The following PIGF variants were observed in gnomAD, a reference collection of about 807,000 sequenced individuals.
The protein encoded by PIGF is phosphatidylinositol glycan anchor biosynthesis class F.
A neutral mutation model predicts 26.0 loss-of-function variants in PIGF; 23 were observed. The ratio of observed to expected loss-of-function variants is 0.88; its 90% CI spans 0.64 to 1.25. The LOEUF (loss-of-function observed/expected upper bound fraction) is 1.25. PIGF is among the 50% of genes most tolerant of loss of function. The probability of loss-of-function intolerance (pLI) is 0.00; values close to 1 mark genes in which losing one functional copy is unlikely to be tolerated. For missense variants in PIGF, 278 were observed against 249.9 expected (o/e 1.11, Z -0.76); for synonymous variants, 93 against 92.6 (o/e 1.00, Z -0.03).
Position 46,581,254 on chromosome 2 carries a change from A to G in PIGF, c.*224T>C, listed in dbSNP as rs1669358139. The G allele has an allele frequency of 1.0e-6, 1 of 962,060 alleles. No individual in the cohort carries two copies. The highest frequency in any genetic ancestry group is 1.7e-5 in the African/African-American group (1 of 60,542). 59.6% of individuals were successfully genotyped at this position (962,060 alleles called of 1,614,324 possible). On this transcript the variant is annotated 3_prime_UTR_variant, in exon 6 of 6. Coordinates refer to ENST00000281382, the MANE Select transcript of PIGF (RefSeq NM_002643.4). ...TATTAAGAATGTTCCTTAAAGGTTT[A>G]AGAAGCAGTAAGCAGCATCTGAAGC...
In PIGF at chr2:46,591,095, A is replaced by C. The variant is rs187284464; in HGVS notation, c.546+1380T>G. 1.3e-3 allele frequency among the ~76,000 whole-genome samples: 201 copies of C among 152,366 alleles called. 4 individuals carry two copies. Among genetic ancestry groups the C allele is most frequent in the Admixed American group, 9.1e-3 (139 of 15,306 alleles). On this transcript the variant is annotated intron_variant, in intron 5 of 5. Transcript: ENST00000281382. The stretch of plus-strand genomic sequence containing the variant: ...TTGGACAAATATGCAAAGATGTATA[A>C]GTATGATAATGACCATATTTGATAA...
At position 46,581,543 on chromosome 2, in the gene PIGF, C is replaced by A; in HGVS notation, c.595G>T (p.Gly199Cys). ...ATCCAGAGTGGTGAAATAACAAGGC[C>A]AGCCACGTAGCCAAAGGTCGCTCCA... ...TLGATFGYVAGLVISPLWIYW... is the reference protein window; with the variant it reads ...TLGATFGYVACLVISPLWIYW... Residue 199 changes from glycine (G) to cysteine (C), a missense_variant, in exon 6 of 6, where the codon GGC becomes TGC. Gly to Cys is a radical substitution (Grantham distance 159, BLOSUM62 -3). Transcript: ENST00000281382. 1 of 1,611,594 alleles carries A rather than the reference C, an allele frequency of 6.2e-7. No homozygotes were observed. Among genetic ancestry groups the A allele is most frequent in the Non-Finnish European group, 8.5e-7 (1 of 1,179,582 alleles).
chr2:46,592,492 A>C lies in PIGF; in HGVS notation c.529T>G (p.Trp177Gly), dbSNP rs1349271524. 6 of 1,594,224 alleles carry C rather than the reference A, an allele frequency of 3.8e-6. No individual in the cohort carries two copies. Among genetic ancestry groups the C allele is most frequent in the African/African-American group, 1.3e-5 (1 of 74,560 alleles). Reference protein sequence around the residue: ...WLGALPIPLDWERPWQVWPIS... With the variant: ...WLGALPIPLDGERPWQVWPIS... ...AAACCAACCTGCCATGGTCTTTCCC[A>C]ATCCAGTGGAATAGGAAGTGCTCCA... Residue 177 changes from tryptophan (W) to glycine (G), a missense_variant, in exon 5 of 6, where the codon TGG becomes GGG. By Grantham distance (184) the Trp-to-Gly change is radical. Coordinates refer to ENST00000281382, the MANE Select transcript of PIGF (RefSeq NM_002643.4).
At chr2:46,601,765 A>G (rs1368476846) in intron 4 of PIGF, among the ~76,000 whole-genome samples, 4 of 152,008 alleles carry the variant, frequency 2.6e-5, no homozygotes, top group Non-Finnish European at 5.9e-5. Flanking sequence ...ATCTATTTCA[A>G]TACAAAGATG....
At chr2:46,591,514 C>A (rs1299443031) in intron 5 of PIGF, 8 of 878,514 alleles carry the variant, frequency 9.1e-6, no homozygotes, top group Non-Finnish European at 9.6e-6. Context: ...TACCATAATT[C>A]TTTTTGGGAG....
intron 4 of PIGF, among the ~76,000 whole-genome samples, chr2:46,599,137 C>A (rs1361920462): frequency 6.6e-6 from 1 of 152,146 alleles, no homozygotes; most frequent in Non-Finnish European, 1.5e-5. Context: ...ACTTATTCCC[C>A]AAAGAGATTG....
At chr2:46,590,529 A>ATTGAT (rs1553424720) in intron 5 of PIGF, among the ~76,000 whole-genome samples, 1 of 1,450 alleles carries the variant, frequency 6.9e-4, no homozygotes, top group Non-Finnish European at 1.5e-3. Flanking sequence ...TCATATACAA[A>ATTGAT]ATGATTATTA....
Position 46,612,756 on chromosome 2 carries a change from T to C in PIGF, c.321-412A>G, listed in dbSNP as rs1030142335. Among the ~76,000 whole-genome samples the C allele has an allele frequency of 3.9e-5, 6 of 152,192 alleles. No individual in the cohort carries two copies. The East Asian group carries it at 9.6e-4, about 24-fold the overall frequency. On this transcript the variant is annotated intron_variant, in intron 3 of 5. Transcript: ENST00000281382. ...ACTAGTTGTAGTGGTTCTCTACAACTAGTGGTTAACATATATTGGAAACAC... is the reference window on the plus strand; with the variant it reads ...ACTAGTTGTAGTGGTTCTCTACAACCAGTGGTTAACATATATTGGAAACAC...
intron 1 of PIGF, chr2:46,615,653 T>G (rs1197918386): frequency 6.4e-6 from 1 of 156,806 alleles, no homozygotes; most frequent in African/African-American, 2.4e-5. Flanking sequence ...GTTGGTATTT[T>G]TTTTTACTCT....
intron 1 of PIGF, chr2:46,616,677 G>C (rs1670643033): frequency 6.4e-6 from 1 of 155,394 alleles, no homozygotes; most frequent in Non-Finnish European, 1.4e-5. Context: ...CCCAACCCGG[G>C]TCCCTCGGGA....
intron 4 of PIGF, among the ~76,000 whole-genome samples, chr2:46,593,134 C>CTT (rs71397007): frequency 0.016 from 2,070 of 132,272 alleles, 70 homozygotes; most frequent in African/African-American, 0.053. Flanking sequence ...ACCAGTCTTT[C>CTT]TTTTTTTTTT....
chr2:46,613,350 T>C (rs1380949234), intron 3 of PIGF, among the ~76,000 whole-genome samples: 1 of 152,152 alleles, frequency 6.6e-6, no homozygotes, highest in Non-Finnish European at 1.5e-5. Flanking sequence ...TAGAATCACA[T>C]TTATAAGAAC....
chr2:46,597,504 C>G (rs962385855), intron 4 of PIGF, among the ~76,000 whole-genome samples: 4 of 152,012 alleles, frequency 2.6e-5, no homozygotes, highest in Admixed American at 2.0e-4. Flanking sequence ...CGTCTGCCTC[C>G]TGGGCTCAAG....
At chr2:46,614,680 A>G (rs1202641363) in intron 2 of PIGF, 2 of 284,362 alleles carry the variant, frequency 7.0e-6, no homozygotes, top group East Asian at 1.3e-4. Flanking sequence ...GTGACATAAA[A>G]CAATGACTAT....
intron 4 of PIGF, among the ~76,000 whole-genome samples, chr2:46,593,666 G>A (rs930689951): frequency 6.6e-5 from 10 of 152,192 alleles, no homozygotes; most frequent in African/African-American, 2.4e-4. Flanking sequence ...TCATCATGTA[G>A]AACAGGAGTC....
At chr2:46,613,973 G>C in intron 2 of PIGF, 188 bp from the exon 3 acceptor site, 3 of 503,508 alleles carry the variant, frequency 6.0e-6, no homozygotes, top group Non-Finnish European at 1.1e-5. Context: ...GACTAAAAAA[G>C]CCTAAAAGGC....
At chr2:46,592,022 T>C (rs945191408) in intron 5 of PIGF, 91 of 1,252,972 alleles carry the variant, frequency 7.3e-5, no homozygotes, top group Non-Finnish European at 9.2e-5. Context: ...AAGTTGAAAA[T>C]AGGAAATTTC....
At chr2:46,603,156 G>T (rs1420567152) in intron 4 of PIGF, among the ~76,000 whole-genome samples, 1 of 151,916 alleles carries the variant, frequency 6.6e-6, no homozygotes, top group Non-Finnish European at 1.5e-5. Context: ...CTTCACCAAA[G>T]AAGTGAAATA....
rs368306062 is a variant in PIGF at position 46,591,840 on chromosome 2, T to C, written c.546+635A>G. On this transcript the variant is annotated intron_variant, in intron 5 of 5. Transcript: ENST00000281382. ...TACCTAGCATATCAGCTTTATCTTATTGTGATACAAGACGAAAAATCTGAT... is the reference window on the plus strand; with the variant it reads ...TACCTAGCATATCAGCTTTATCTTACTGTGATACAAGACGAAAAATCTGAT... 8 of 1,302,390 alleles carry C rather than the reference T, an allele frequency of 6.1e-6. No individual in the cohort carries two copies. In the East Asian group the frequency reaches 3.3e-4, roughly 54 times the overall value. The allele number at this position is 1,302,390 out of a possible 1,614,324, so 80.7% of individuals were successfully genotyped here.
Sources: allele counts gnomAD v4.1 joint callset (sites outside exome capture counted in the v4.1 genomes callset), GRCh38; gene constraint gnomAD v4.1.1; transcripts MANE v1.5; gene names NCBI Gene and HGNC (gene_info 2026-07-23, HGNC 2026-07-21).